The following TAF2 variants were observed in gnomAD, a reference collection of about 807,000 sequenced individuals.
TAF2 encodes TATA-box binding protein associated factor 2.
A neutral mutation model predicts 138.5 loss-of-function variants in TAF2; 61 were observed. The ratio of observed to expected loss-of-function variants is 0.44; its 90% confidence interval spans 0.36 to 0.54. The LOEUF is 0.54. Among genes scored for constraint, TAF2 ranks in the 20% least tolerant of loss-of-function variants. TAF2 has a pLI of 0.00. For missense variants in TAF2, 1,090 were observed against 1,427.9 expected (o/e 0.76, Z 3.81); for synonymous variants, 475 against 469.9 (o/e 1.01, Z -0.14).
intron 18 of TAF2, among the ~76,000 whole-genome samples, chr8:119,776,283 T>A (rs371193115): frequency 2.0e-5 from 3 of 151,494 alleles, no homozygotes; most frequent in East Asian, 1.9e-4. Context: ...AATGTTAAAC[T>A]AAAGAGGCAA....
intron 14 of TAF2, among the ~76,000 whole-genome samples, chr8:119,786,412 G>A (rs1426273176): frequency 6.6e-6 from 1 of 152,020 alleles, no homozygotes; most frequent in Non-Finnish European, 1.5e-5. Flanking sequence ...GAACCTATTT[G>A]TCTTGAATTT....
chr8:119,826,000 T>C (rs543221763), intron 2 of TAF2, among the ~76,000 whole-genome samples: 2 of 152,042 alleles, frequency 1.3e-5, no homozygotes, highest in East Asian at 3.9e-4. Context: ...CCCTGATGGT[T>C]TTAAAAACAG....
intron 8 of TAF2, 95 bp from the exon 9 acceptor site, chr8:119,795,726 C>A: frequency 9.0e-7 from 1 of 1,105,256 alleles, no homozygotes; most frequent in Non-Finnish European, 1.4e-6. Flanking sequence ...TGTGTATTTC[C>A]CTGCCTTCAT....
At chr8:119,831,029 C>T (rs1160653592) in intron 2 of TAF2, among the ~76,000 whole-genome samples, 3 of 152,122 alleles carry the variant, frequency 2.0e-5, no homozygotes, top group African/African-American at 7.2e-5. Flanking sequence ...ACTGCTTGAA[C>T]CCAGGAGGTG....
At chr8:119,811,212 T>C (rs1050682863) in intron 3 of TAF2, among the ~76,000 whole-genome samples, 1 of 152,142 alleles carries the variant, frequency 6.6e-6, no homozygotes. Context: ...GGAATAGATA[T>C]AATTTTCTCT....
At chr8:119,740,138 T>C (rs982910467) in intron 25 of TAF2, among the ~76,000 whole-genome samples, 2 of 152,252 alleles carry the variant, frequency 1.3e-5, no homozygotes, top group Non-Finnish European at 2.9e-5. Flanking sequence ...CTTCAGCTTC[T>C]GCTGGGAGGC....
intron 2 of TAF2, among the ~76,000 whole-genome samples, chr8:119,824,876 G>A (rs2131266587): frequency 6.6e-6 from 1 of 152,346 alleles, no homozygotes; most frequent in South Asian, 2.1e-4. Flanking sequence ...GGATGCCCAG[G>A]CAGAAATTTG....
chr8:119,793,860 C>T (rs1467820398), intron 9 of TAF2, among the ~76,000 whole-genome samples: 1 of 119,792 alleles, frequency 8.3e-6, no homozygotes, highest in Non-Finnish European at 1.6e-5. Context: ...TCTAACATGA[C>T]ATAAATTGAA....
intron 6 of TAF2, among the ~76,000 whole-genome samples, chr8:119,798,772 T>C (rs997844232): frequency 9.2e-5 from 14 of 152,284 alleles, no homozygotes; most frequent in Admixed American, 3.3e-4. Flanking sequence ...AAATTATTCT[T>C]CTAATAGCAT....
chr8:119,738,159 TTCTC>T (rs1344985835), intron 25 of TAF2, among the ~76,000 whole-genome samples: 1 of 151,918 alleles, frequency 6.6e-6, no homozygotes, highest in East Asian at 1.9e-4. Flanking sequence ...TATATTCTTT[TTCTC>T]TCTCTATATA....
chr8:119,812,749 G>GTGTGTA (rs1554660380), intron 3 of TAF2, among the ~76,000 whole-genome samples: 1 of 109,966 alleles, frequency 9.1e-6, no homozygotes, highest in Non-Finnish European at 1.8e-5. Context: ...GTGTGTGTGT[G>GTGTGTA]TGTATATATG....
At chr8:119,738,772 T>C (rs9297604) in intron 25 of TAF2, among the ~76,000 whole-genome samples, 70,484 of 151,964 alleles carry the variant, frequency 0.46, 17,049 homozygotes, top group African/African-American at 0.58. Flanking sequence ...GATAAGAAAC[T>C]GTGAATAACC....
At chr8:119,813,233 T>C (rs530351067) in intron 3 of TAF2, among the ~76,000 whole-genome samples, 1 of 152,352 alleles carries the variant, frequency 6.6e-6, no homozygotes, top group Non-Finnish European at 1.5e-5. Context: ...TGTTGACTAT[T>C]TGTATATCTT....
Position 119,731,851 on chromosome 8 carries a change from T to G in TAF2, c.*73A>C. 1 of 1,465,080 alleles carries G rather than the reference T, an allele frequency of 6.8e-7. No individual in the cohort carries two copies. The highest frequency in any genetic ancestry group is 1.1e-5 in the South Asian group (1 of 87,084). 90.8% of individuals were successfully genotyped at this position (1,465,080 alleles called of 1,614,324 possible). On this transcript the variant is annotated 3_prime_UTR_variant, in exon 26 of 26. Transcript: ENST00000378164. ...TCCTTTCCCCCCTCCCTTTTATAAT[T>G]CTTCACAGAGGACAAAGCTTTAGTT...
At chr8:119,742,951 C>T (rs1183194506) in intron 24 of TAF2, among the ~76,000 whole-genome samples, 1 of 151,940 alleles carries the variant, frequency 6.6e-6, no homozygotes, top group Non-Finnish European at 1.5e-5. Flanking sequence ...CGCCTGTAGT[C>T]CCAGCTACTT....
intron 11 of TAF2, among the ~76,000 whole-genome samples, chr8:119,790,537 T>A (rs982797695): frequency 5.3e-5 from 8 of 152,128 alleles, no homozygotes; most frequent in Non-Finnish European, 1.5e-5. Flanking sequence ...AAAAGCATTA[T>A]TTTTTACCTG....
In TAF2 at chr8:119,760,657, A is replaced by G. The variant is rs1175027353; in HGVS notation, c.2640T>C (p.Tyr880=). ...DPALFKSYAE[Y]GHFVDIRIAA... ...CTATCCTAATGTCCACAAAGTGGCC[A>G]TATTCAGCATAAGATTTAAAAAGAG... The change falls in exon 20 of 26, where the codon TAT becomes TAC. Residue 880 remains tyrosine, a synonymous_variant. Coordinates refer to ENST00000378164, the MANE Select transcript of TAF2 (RefSeq NM_003184.4). 1 of 1,614,040 alleles carries G rather than the reference A, an allele frequency of 6.2e-7. No individual in the cohort carries two copies.
intron 22 of TAF2, among the ~76,000 whole-genome samples, chr8:119,754,680 CAAAAAA>C (rs74482890): frequency 8.2e-6 from 1 of 121,408 alleles, no homozygotes; most frequent in Non-Finnish European, 1.8e-5. Flanking sequence ...AAGACTGTCT[CAAAAAA>C]AAAAAAAAAT....
rs149035502 is a variant in TAF2 at position 119,794,390 on chromosome 8, C to T, written c.1192-939G>A. 7.3e-3 allele frequency among the ~76,000 whole-genome samples: 980 copies of T among 135,078 alleles called. 14 individuals are homozygous for T. Among genetic ancestry groups the T allele is most frequent in the African/African-American group, 0.029 (934 of 32,542 alleles). 88.6% of individuals were successfully genotyped at this position (135,078 alleles called of 152,430 possible). On this transcript the variant is annotated intron_variant, in intron 9 of 25. Transcript: ENST00000378164. ...CAGCCTGAGCAACAGAGTGAGACTC[C>T]GTCTCAAAAAAAAAAAAAAGCATAA...
Sources: allele counts gnomAD v4.1 joint callset (sites outside exome capture counted in the v4.1 genomes callset), GRCh38; gene constraint gnomAD v4.1.1; transcripts MANE v1.5; gene names NCBI Gene and HGNC (gene_info 2026-07-23, HGNC 2026-07-21).